Variants in ADGRV1 observed in about 807,000 individuals in gnomAD.
ADGRV1 encodes adhesion G protein-coupled receptor V1.
A neutral mutation model predicts 596.2 loss-of-function variants in ADGRV1; 359 were observed. The ratio of observed to expected loss-of-function variants is 0.60; its 90% CI spans 0.55 to 0.66. ADGRV1 has a LOEUF of 0.66. ADGRV1 is among the 30% of genes least tolerant of loss of function. ADGRV1 has a pLI of 0.00. For missense variants in ADGRV1, 7,274 were observed against 7,575.6 expected, an observed-to-expected ratio of 0.96 and a Z score of 1.48; for synonymous variants, 2,681 against 2,679.2, an observed-to-expected ratio of 1.00 and a Z score of -0.02.
chr5:90,568,258 A>C (rs1008008381), intron 1 of ADGRV1, among the ~76,000 whole-genome samples: 3 of 151,850 alleles, frequency 2.0e-5, no homozygotes, highest in Non-Finnish European at 4.4e-5. Flanking sequence ...TTGTGCCTGT[A>C]AATTCTCTTC....
At chr5:90,959,227 A>G (rs1487860487) in intron 83 of ADGRV1, among the ~76,000 whole-genome samples, 1 of 152,168 alleles carries the variant, frequency 6.6e-6, no homozygotes, top group African/African-American at 2.4e-5. Context: ...AAAATTTAAT[A>G]AAAATATCAA....
chr5:90,668,706 G>T (rs543257359), intron 21 of ADGRV1, among the ~76,000 whole-genome samples: 1 of 151,968 alleles, frequency 6.6e-6, no homozygotes, highest in Non-Finnish European at 1.5e-5. Flanking sequence ...TTACTTTATT[G>T]TACAAAATAT....
At chr5:90,729,412 G>A (rs926632784) in intron 49 of ADGRV1, among the ~76,000 whole-genome samples, 1 of 152,024 alleles carries the variant, frequency 6.6e-6, no homozygotes, top group Non-Finnish European at 1.5e-5. Flanking sequence ...AATTGTCCTT[G>A]TTCTTTCTTT....
At chr5:90,925,427 CTGTT>C (rs1311564067) in intron 83 of ADGRV1, among the ~76,000 whole-genome samples, 2 of 152,072 alleles carry the variant, frequency 1.3e-5, no homozygotes, top group African/African-American at 4.8e-5. Flanking sequence ...ATTTGGCTCT[CTGTT>C]TGTCTATTAT....
chr5:90,805,604 A>T (rs1171656169), intron 72 of ADGRV1, 146 bp downstream of exon 72: 4 of 623,964 alleles, frequency 6.4e-6, no homozygotes, highest in Non-Finnish European at 9.9e-6. Flanking sequence ...AGAGTAGTGC[A>T]GGCTGCTTGG....
chr5:90,598,138 T>C (rs944842453), intron 1 of ADGRV1, among the ~76,000 whole-genome samples: 1 of 152,234 alleles, frequency 6.6e-6, no homozygotes, highest in Non-Finnish European at 1.5e-5. Flanking sequence ...AGGAAAAAAC[T>C]CACTGGAGAT....
At chr5:90,665,591 G>A (rs1306540033) in intron 21 of ADGRV1, among the ~76,000 whole-genome samples, 5 of 150,590 alleles carry the variant, frequency 3.3e-5, no homozygotes, top group South Asian at 2.1e-4. Context: ...TTTTTTGAAG[G>A]GTTTTTTGTG....
intron 29 of ADGRV1, among the ~76,000 whole-genome samples, chr5:90,687,188 T>C (rs112119573): frequency 0.034 from 5,207 of 152,284 alleles, 181 homozygotes; most frequent in African/African-American, 0.09. Flanking sequence ...GGTACTTACT[T>C]TTGCTGTGCA....
chr5:90,689,441 TG>T (rs1746172841), intron 29 of ADGRV1, among the ~76,000 whole-genome samples: 1 of 151,684 alleles, frequency 6.6e-6, no homozygotes, highest in Admixed American at 6.6e-5. Context: ...TCATTGATGA[TG>T]CTAGCGTTCC....
chr5:90,893,666 G>A (rs374409256), intron 83 of ADGRV1, among the ~76,000 whole-genome samples: 15 of 152,142 alleles, frequency 9.9e-5, no homozygotes, highest in East Asian at 7.7e-4. Context: ...AAGCATGTAT[G>A]TATTTAATAA....
chr5:90,663,827 A>T (rs904292159), intron 21 of ADGRV1, among the ~76,000 whole-genome samples: 1 of 152,056 alleles, frequency 6.6e-6, no homozygotes, highest in Non-Finnish European at 1.5e-5. Context: ...AGCTTTCTAC[A>T]TATGGCTAGC....
At chr5:90,700,736 A>G (rs1747806153) in intron 34 of ADGRV1, among the ~76,000 whole-genome samples, 1 of 152,122 alleles carries the variant, frequency 6.6e-6, no homozygotes, top group Non-Finnish European at 1.5e-5. Flanking sequence ...TACTGGAAAC[A>G]CTCAACTTTT....
intron 83 of ADGRV1, among the ~76,000 whole-genome samples, chr5:90,930,030 C>A (rs1318470327): frequency 3.9e-5 from 6 of 152,066 alleles, no homozygotes; most frequent in African/African-American, 1.2e-4. Context: ...TAATTTTAGC[C>A]ATGGGTGTTG....
intron 85 of ADGRV1, among the ~76,000 whole-genome samples, chr5:91,002,882 A>G (rs1225539379): frequency 2.0e-5 from 3 of 152,196 alleles, no homozygotes; most frequent in African/African-American, 4.8e-5. Flanking sequence ...GTATTCATTT[A>G]CTACAGATCT....
intron 76 of ADGRV1, 94 bp from the exon 77 acceptor site, chr5:90,828,850 G>A (rs1322290229): frequency 1.5e-6 from 1 of 684,822 alleles, no homozygotes; most frequent in Non-Finnish European, 2.1e-6. Flanking sequence ...CTCTAAAAAT[G>A]TATATGAATT....
At chr5:91,149,927 A>C (rs1795890907) in intron 87 of ADGRV1, 103 bp from the exon 88 acceptor site, 1 of 869,950 alleles carries the variant, frequency 1.1e-6, no homozygotes, top group East Asian at 2.7e-5. Context: ...AGAATGGACC[A>C]ATACAACCAT....
At chr5:91,019,076 T>G (rs1030595906) in intron 85 of ADGRV1, among the ~76,000 whole-genome samples, 3 of 151,886 alleles carry the variant, frequency 2.0e-5, no homozygotes, top group Non-Finnish European at 4.4e-5. Context: ...TAAATAGGAG[T>G]CCTGTTGGCT....
intron 86 of ADGRV1, among the ~76,000 whole-genome samples, chr5:91,077,417 A>G (rs781214364): frequency 3.3e-5 from 5 of 152,242 alleles, no homozygotes; most frequent in African/African-American, 7.2e-5. Flanking sequence ...TATAATGAAT[A>G]CAAGTAACCA....
intron 1 of ADGRV1, among the ~76,000 whole-genome samples, chr5:90,579,377 C>T (rs919405735): frequency 1.3e-5 from 2 of 152,178 alleles, no homozygotes; most frequent in African/African-American, 4.8e-5. Flanking sequence ...AGTAGTCATT[C>T]AGGAGCAGGT....
Sources: gnomAD v4.1 joint callset for allele counts (sites outside exome capture counted in the v4.1 genomes callset) on GRCh38, gnomAD v4.1.1 for gene constraint, MANE v1.5 for transcripts, NCBI Gene and HGNC (gene_info 2026-07-23, HGNC 2026-07-21) for gene names.